The following CCNJL variants were observed in gnomAD, a reference collection of about 807,000 sequenced individuals.
CCNJL encodes the protein cyclin-J-like protein.
CCNJL carries 33 observed loss-of-function variants against 33.4 expected under a neutral mutation model. The observed-to-expected ratio is 0.99, with a 90% CI of 0.75 to 1.32. The LOEUF is 1.32. CCNJL is among the 40% of genes most tolerant of loss of function. The probability of loss-of-function intolerance (pLI) is 0.00; values close to 1 mark genes in which losing one functional copy is unlikely to be tolerated. For synonymous variants in CCNJL, 227 were observed against 220.9 expected (o/e 1.03, Z -0.24); for missense variants, 512 against 499.7 (o/e 1.02, Z -0.23).
rs1760765905 is a variant in CCNJL at position 160,250,046 on chromosome 5, T to TTA, written c.*3331_*3332insTA. 1.3e-5 allele frequency: 2 copies of TTA among 152,072 alleles called. No individual in the cohort carries two copies. The highest frequency in any genetic ancestry group is 1.3e-4 in the Admixed American group (2 of 15,264). 9.4% of individuals were successfully genotyped at this position (152,072 alleles called of 1,614,324 possible). On this transcript the variant is annotated 3_prime_UTR_variant, in exon 6 of 6. Coordinates refer to ENST00000257536, the MANE Select transcript of CCNJL (RefSeq NM_001308173.3). ...GGAACTTTAAGACTATCTTTGTGCT[T>TTA]TTTAAAGCTTTCATAGCTGTCCTCC...
At chr5:160,279,415 T>C (rs1005416262) in intron 3 of CCNJL, among the ~76,000 whole-genome samples, 3 of 152,250 alleles carry the variant, frequency 2.0e-5, no homozygotes, top group African/African-American at 4.8e-5. Flanking sequence ...TATAGAGGCC[T>C]GGCTCTCAAG....
At position 160,320,563 on chromosome 5, in the gene CCNJL, G is replaced by A. The variant is rs540885980; in HGVS notation, n.207-5058C>T. 9.7e-4 allele frequency among the ~76,000 whole-genome samples: 148 copies of A among 152,338 alleles called. 1 individual carries two copies. Among genetic ancestry groups the A allele is most frequent in the Non-Finnish European group, 1.4e-3 (95 of 68,032 alleles). On this transcript the variant is annotated intron_variant and non_coding_transcript_variant, in intron 1 of 7. Transcript: ENST00000377503. Reference sequence around the variant, plus strand: ...ATGTCCACACCAGCCACAGTGCCAGGAAGCAGTGTGGAGCGATGAGGACTG... The same window carrying A: ...ATGTCCACACCAGCCACAGTGCCAGAAAGCAGTGTGGAGCGATGAGGACTG...
At chr5:160,335,262 A>C (rs577239282) in intron 1 of CCNJL, among the ~76,000 whole-genome samples, 1 of 152,318 alleles carries the variant, frequency 6.6e-6, no homozygotes, top group South Asian at 2.1e-4. Context: ...GACTCCATCT[A>C]AAAGAAAAAT....
intron 3 of CCNJL, among the ~76,000 whole-genome samples, chr5:160,268,851 C>A (rs1261322431): frequency 2.0e-5 from 3 of 152,200 alleles, no homozygotes; most frequent in Non-Finnish European, 4.4e-5. Context: ...GGGTACCCTG[C>A]CTGGCTGAGC....
At chr5:160,310,750 G>GA (rs1471925002) in intron 2 of CCNJL, among the ~76,000 whole-genome samples, 1 of 152,156 alleles carries the variant, frequency 6.6e-6, no homozygotes, top group Non-Finnish European at 1.5e-5. Flanking sequence ...TGTAAGAAGA[G>GA]AAAACAGACA....
At chr5:160,330,749 C>T (rs1226069813) in intron 1 of CCNJL, among the ~76,000 whole-genome samples, 1 of 151,884 alleles carries the variant, frequency 6.6e-6, no homozygotes, top group Non-Finnish European at 1.5e-5. Flanking sequence ...CTGCAACCTC[C>T]TCCTCCTGGG....
At chr5:160,285,738 G>A (rs536123603) in intron 2 of CCNJL, among the ~76,000 whole-genome samples, 4 of 152,364 alleles carry the variant, frequency 2.6e-5, no homozygotes, top group Admixed American at 2.0e-4. Context: ...GGCTGGAAAC[G>A]TGGGCAGGGG....
chr5:160,265,847 C>T (rs1039520611), intron 3 of CCNJL, among the ~76,000 whole-genome samples: 65 of 147,788 alleles, frequency 4.4e-4, no homozygotes, highest in African/African-American at 1.6e-3. Flanking sequence ...AGCGAGACTC[C>T]GTCTCCAGGG....
chr5:160,292,434 C>G (rs545332974), intron 2 of CCNJL, among the ~76,000 whole-genome samples: 1 of 152,124 alleles, frequency 6.6e-6, no homozygotes, highest in East Asian at 1.9e-4. Flanking sequence ...CCAGCCTGGG[C>G]AATTTAGGGA....
chr5:160,253,685 G>A lies in CCNJL; in HGVS notation c.857C>T (p.Pro286Leu), dbSNP rs780867242. Residue 286 changes from proline (P) to leucine (L), a missense_variant, in exon 6 of 6, where the codon CCG becomes CTG. By Grantham distance (98) the Pro-to-Leu change is moderately conservative. Transcript: ENST00000257536. ...GGTGGTCGCTGGCTGGCCGAGGGCC[G>A]GGTAGGCTGGTGGCTGGAACAGCAC... ...TQVLFQPPAY[P>L]ALGQPATTLA... The A allele has an allele frequency of 6.8e-6, 11 of 1,607,476 alleles. No individual in the cohort carries two copies. The highest frequency in any genetic ancestry group is 2.2e-5 in the East Asian group (1 of 44,720).
chr5:160,293,004 A>C (rs1351798393), intron 2 of CCNJL, among the ~76,000 whole-genome samples: 1 of 152,244 alleles, frequency 6.6e-6, no homozygotes, highest in East Asian at 1.9e-4. Context: ...CACCCAGTTA[A>C]TAAATGGTGA....
intron 1 of CCNJL, among the ~76,000 whole-genome samples, chr5:160,334,682 C>T (rs572816965): frequency 3.3e-5 from 5 of 152,340 alleles, no homozygotes; most frequent in South Asian, 2.1e-4. Flanking sequence ...ACTGGCCTCT[C>T]GGGATCCATG....
chr5:160,279,746 T>C (rs1318703665), intron 3 of CCNJL, among the ~76,000 whole-genome samples: 2 of 152,136 alleles, frequency 1.3e-5, no homozygotes, highest in African/African-American at 4.8e-5. Flanking sequence ...CCAGTGTGGC[T>C]GGAACCCAGG....
chr5:160,314,751 A>G (rs573003643), upstream of CCNJL, among the ~76,000 whole-genome samples: 115 of 152,368 alleles, frequency 7.5e-4, 4 homozygotes, highest in South Asian at 0.023. Context: ...ACGTGCAGAA[A>G]TGGATGCAAG....
At position 160,311,971 on chromosome 5, in the gene CCNJL, C is replaced by A; in HGVS notation, c.-48G>T. The stretch of plus-strand genomic sequence containing the variant: ...GAGGCTACCCGGCTCTCAGGGCGCA[C>A]CCTGCGTGGACACGGGCAACTTCAG... On this transcript the variant is annotated splice_region_variant and 5_prime_UTR_variant, in exon 2 of 6. Transcript: ENST00000257536. 6.3e-7 allele frequency: 1 copy of A among 1,581,660 alleles called. No individual in the cohort carries two copies. The highest frequency in any genetic ancestry group is 1.7e-5 in the Admixed American group (1 of 59,940).
intron 3 of CCNJL, chr5:160,269,684 G>C (rs769171319): frequency 4.3e-5 from 15 of 349,664 alleles, no homozygotes; most frequent in Non-Finnish European, 7.4e-5. Context: ...ATGCTGCTCT[G>C]CTGGCTCAGA....
At chr5:160,308,929 A>G (rs975354822) in intron 2 of CCNJL, among the ~76,000 whole-genome samples, 1 of 152,262 alleles carries the variant, frequency 6.6e-6, no homozygotes, top group Non-Finnish European at 1.5e-5. Context: ...AATAGAGGAA[A>G]GAGCCAGTGC....
chr5:160,275,415 G>A (rs1761977842), intron 3 of CCNJL, among the ~76,000 whole-genome samples: 1 of 152,098 alleles, frequency 6.6e-6, no homozygotes, highest in Admixed American at 6.6e-5. Flanking sequence ...ACAAAACTGT[G>A]GGAGTGGGAC....
chr5:160,318,085 C>T (rs144981285), intron 1 of CCNJL, among the ~76,000 whole-genome samples: 6 of 151,628 alleles, frequency 4.0e-5, no homozygotes, highest in South Asian at 2.1e-4. Flanking sequence ...AGCACAATCT[C>T]GGCTCACTGC....
Sources: gnomAD v4.1 joint callset for allele counts (sites outside exome capture counted in the v4.1 genomes callset) on GRCh38, gnomAD v4.1.1 for gene constraint, MANE v1.5 for transcripts, NCBI Gene and HGNC (gene_info 2026-07-23, HGNC 2026-07-21) for gene names.